The following PDE3A variants were observed in gnomAD, a reference collection of about 807,000 sequenced individuals.
The protein encoded by PDE3A is cGMP-inhibited 3',5'-cyclic phosphodiesterase 3A.
A neutral mutation model predicts 98.3 loss-of-function variants in PDE3A; 43 were observed. The observed-to-expected ratio is 0.44, with a 90% CI of 0.34 to 0.56. The LOEUF (loss-of-function observed/expected upper bound fraction) is 0.56, where lower values mean the gene tolerates loss of function less well. Ranked by LOEUF, PDE3A falls within the 20% of genes least tolerant of loss-of-function variation. PDE3A has a pLI of 0.01. For synonymous variants in PDE3A, 663 were observed against 567.9 expected, an observed-to-expected ratio of 1.17 and a Z score of -2.38; for missense variants, 1,427 against 1,440.7, an observed-to-expected ratio of 0.99 and a Z score of 0.15.
intron 1 of PDE3A, among the ~76,000 whole-genome samples, chr12:20,444,159 A>G (rs1053466658): frequency 6.6e-6 from 1 of 152,186 alleles, no homozygotes; most frequent in African/African-American, 2.4e-5. Flanking sequence ...TTGTGTAATC[A>G]ACCAGCCAAT....
At chr12:20,548,221 T>A (rs1234789628) in intron 1 of PDE3A, among the ~76,000 whole-genome samples, 1 of 152,096 alleles carries the variant, frequency 6.6e-6, no homozygotes, top group Non-Finnish European at 1.5e-5. Context: ...CTATCTTGGT[T>A]AATGAGAACT....
At chr12:20,650,787 C>A (rs1944898149) in intron 14 of PDE3A, among the ~76,000 whole-genome samples, 187 bp downstream of exon 14, 1 of 149,542 alleles carries the variant, frequency 6.7e-6, no homozygotes, top group South Asian at 2.1e-4. Flanking sequence ...AAAATATAAT[C>A]ATAGAACTCT....
chr12:20,578,408 G>C (rs1213504748), intron 2 of PDE3A, among the ~76,000 whole-genome samples: 1 of 151,704 alleles, frequency 6.6e-6, no homozygotes, highest in African/African-American at 2.4e-5. Context: ...CGTGGCAGAA[G>C]GAAGGAGAAT....
chr12:20,463,767 A>G (rs1945293910), intron 1 of PDE3A, among the ~76,000 whole-genome samples: 1 of 152,174 alleles, frequency 6.6e-6, no homozygotes, highest in Non-Finnish European at 1.5e-5. Context: ...AATGCAGAAA[A>G]ACATTAAGAA....
At chr12:20,624,838 T>C (rs1449406306) in intron 5 of PDE3A, among the ~76,000 whole-genome samples, 1 of 152,192 alleles carries the variant, frequency 6.6e-6, no homozygotes. Context: ...TGGAGCTAAG[T>C]GGTTGTGACA....
intron 1 of PDE3A, among the ~76,000 whole-genome samples, chr12:20,511,343 C>T (rs1228956854): frequency 1.3e-5 from 2 of 151,776 alleles, no homozygotes; most frequent in Non-Finnish European, 2.9e-5. Flanking sequence ...GTGGCTTAAT[C>T]TAGGGCTGGT....
intron 2 of PDE3A, among the ~76,000 whole-genome samples, chr12:20,583,343 G>A (rs898642736): frequency 1.3e-5 from 2 of 152,106 alleles, no homozygotes; most frequent in Non-Finnish European, 2.9e-5. Context: ...GGAATTAGGA[G>A]GTCATGAAAT....
chr12:20,373,967 G>A (rs551311212), intron 1 of PDE3A, among the ~76,000 whole-genome samples: 1 of 152,112 alleles, frequency 6.6e-6, no homozygotes, highest in Admixed American at 6.6e-5. Flanking sequence ...ATTCCTAAAT[G>A]CCTGTCAATG....
chr12:20,524,646 TA>T (rs1946483567), intron 1 of PDE3A, among the ~76,000 whole-genome samples: 1 of 151,764 alleles, frequency 6.6e-6, no homozygotes, highest in Non-Finnish European at 1.5e-5. Flanking sequence ...ATTTTATATA[TA>T]GCTATATATC....
intron 15 of PDE3A, among the ~76,000 whole-genome samples, chr12:20,667,690 G>T (rs1346057421): frequency 2.0e-5 from 3 of 152,162 alleles, no homozygotes; most frequent in Non-Finnish European, 4.4e-5. Context: ...ATATTTTGAA[G>T]TCAGGTAGTG....
At chr12:20,630,265 G>A (rs1228975109) in intron 6 of PDE3A, 138 bp downstream of exon 6, 1 of 636,968 alleles carries the variant, frequency 1.6e-6, no homozygotes, top group Non-Finnish European at 2.8e-6. Flanking sequence ...AATGTGATTT[G>A]TGTTGAATAG....
chr12:20,514,365 A>G (rs1946278700), intron 1 of PDE3A, among the ~76,000 whole-genome samples: 1 of 152,200 alleles, frequency 6.6e-6, no homozygotes, highest in African/African-American at 2.4e-5. Context: ...CTTCTATTAA[A>G]TTCTGTAAAT....
intron 10 of PDE3A, among the ~76,000 whole-genome samples, chr12:20,645,106 C>T (rs1944745500): frequency 6.6e-6 from 1 of 152,002 alleles, no homozygotes; most frequent in Non-Finnish European, 1.5e-5. Flanking sequence ...CCAGGCTGAA[C>T]TTGAGCTCCT....
intron 1 of PDE3A, among the ~76,000 whole-genome samples, chr12:20,473,638 TGA>T (rs1336386654): frequency 1.3e-5 from 2 of 152,212 alleles, no homozygotes; most frequent in Non-Finnish European, 2.9e-5. Flanking sequence ...ACCTGTAGCA[TGA>T]GTTTTAAGAA....
At chr12:20,451,927 C>T (rs145877317) in intron 1 of PDE3A, among the ~76,000 whole-genome samples, 2 of 152,300 alleles carry the variant, frequency 1.3e-5, no homozygotes, top group South Asian at 2.1e-4. Flanking sequence ...AACCGCATTT[C>T]TCTTCATTGC....
At chr12:20,593,103 T>C (rs7313422) in intron 2 of PDE3A, among the ~76,000 whole-genome samples, 150,168 of 152,272 alleles carry the variant, frequency 0.99, 74,074 homozygotes, top group South Asian at 1. Context: ...GAGGCTGAAG[T>C]GATTAATTTG....
intron 1 of PDE3A, among the ~76,000 whole-genome samples, chr12:20,492,418 A>G (rs1945844583): frequency 6.6e-6 from 1 of 151,700 alleles, no homozygotes; most frequent in South Asian, 2.1e-4. Context: ...TGCTATATGT[A>G]TGAGTCACAG....
At chr12:20,620,394 C>T (rs959843811) in intron 4 of PDE3A, among the ~76,000 whole-genome samples, 2 of 152,032 alleles carry the variant, frequency 1.3e-5, no homozygotes, top group Non-Finnish European at 2.9e-5. Context: ...ACAGACCAAG[C>T]ACTTTTCCCT....
chr12:20,598,229 C>T (rs1362934696), intron 2 of PDE3A, among the ~76,000 whole-genome samples: 1 of 151,756 alleles, frequency 6.6e-6, no homozygotes, highest in Non-Finnish European at 1.5e-5. Flanking sequence ...GTCTCCCAGG[C>T]TGGAGTGCAA....
Sources: allele counts gnomAD v4.1 joint callset (sites outside exome capture counted in the v4.1 genomes callset), GRCh38; gene constraint gnomAD v4.1.1; transcripts MANE v1.5; gene names NCBI Gene and HGNC (gene_info 2026-07-23, HGNC 2026-07-21).